PRSS3: variants seen among roughly 807,000 people sequenced by gnomAD.
The protein encoded by PRSS3 is trypsin-3.
In PRSS3, 14 loss-of-function variants were observed where a neutral mutation model predicts 20.8. That is an observed-to-expected ratio of 0.67 (90% CI 0.44 to 1.05). PRSS3 has a LOEUF of 1.05. PRSS3 is among the 50% of genes least tolerant of loss of function. PRSS3 has a pLI of 0.00. For synonymous variants in PRSS3, 91 were observed against 117.6 expected (o/e 0.77, Z 1.46); for missense variants, 237 against 306.4 (o/e 0.77, Z 1.69).
At chr9:33,757,160 TGGA>T (rs1489755391) in intron 1 of PRSS3, among the ~76,000 whole-genome samples, 2 of 152,206 alleles carry the variant, frequency 1.3e-5, no homozygotes, top group Non-Finnish European at 2.9e-5. Context: ...GGTGGATAGG[TGGA>T]GGTCTAGGAT....
intron 1 of PRSS3, among the ~76,000 whole-genome samples, chr9:33,781,071 A>G (rs1824164262): frequency 6.6e-6 from 1 of 152,244 alleles, no homozygotes; most frequent in South Asian, 2.1e-4. Context: ...CCCAAAAGGA[A>G]TGCTTATACA....
chr9:33,758,754 A>C (rs1451622687), intron 1 of PRSS3, among the ~76,000 whole-genome samples: 9 of 152,304 alleles, frequency 5.9e-5, no homozygotes, highest in African/African-American at 2.2e-4. Flanking sequence ...GAAAATAGTG[A>C]TGGTACCAAC....
intron 2 of PRSS3, 101 bp from the exon 3 acceptor site, chr9:33,797,728 C>G: frequency 7.0e-7 from 1 of 1,437,180 alleles, no homozygotes; most frequent in Non-Finnish European, 9.3e-7. Context: ...CCCATGCCTC[C>G]AGAGCTATCC....
At chr9:33,762,005 C>T (rs1823231511) in intron 1 of PRSS3, 1 of 152,136 alleles carries the variant, frequency 6.6e-6, no homozygotes, top group African/African-American at 2.4e-5. Context: ...TTATAAACTC[C>T]TTGCAGATAA....
chr9:33,755,619 T>C (rs1356887116), intron 1 of PRSS3, among the ~76,000 whole-genome samples: 1 of 152,202 alleles, frequency 6.6e-6, no homozygotes, highest in Non-Finnish European at 1.5e-5. Flanking sequence ...TATTCCCAAC[T>C]AAGGCACATG....
intron 1 of PRSS3, among the ~76,000 whole-genome samples, chr9:33,770,429 A>ATGCTGGTCTGGGATG (rs1823634530): frequency 1.3e-5 from 2 of 152,050 alleles, no homozygotes; most frequent in Non-Finnish European, 2.9e-5. Context: ...CTGGGTTAAG[A>ATGCTGGTCTGGGATG]CTTCTGGCAC....
Position 33,785,160 on chromosome 9 carries a change from A to AT in PRSS3, c.-52-9551dup, listed in dbSNP as rs74180504. Among the ~76,000 whole-genome samples the AT allele has an allele frequency of 3.2e-3, 235 of 72,488 alleles. 36 individuals carry two copies. Among genetic ancestry groups the AT allele is most frequent in the African/African-American group, 0.016 (213 of 13,316 alleles). 47.6% of individuals were successfully genotyped at this position (72,488 alleles called of 152,430 possible). On this transcript the variant is annotated intron_variant, in intron 1 of 5. Coordinates refer to the PRSS3 transcript ENST00000342836. Reference sequence around the variant, plus strand: ...GAAAAAGATCATAGCATTGTGGTCAATTTTTTTTTTTTTTTTTTTTTTTTT... The same window carrying AT: ...GAAAAAGATCATAGCATTGTGGTCAATTTTTTTTTTTTTTTTTTTTTTTTTT...
chr9:33,760,469 G>A (rs928664857), intron 1 of PRSS3, among the ~76,000 whole-genome samples: 14 of 152,064 alleles, frequency 9.2e-5, no homozygotes, highest in Admixed American at 5.9e-4. Context: ...TAAAGAGGCC[G>A]GGTGCGGTGG....
intron 1 of PRSS3, among the ~76,000 whole-genome samples, chr9:33,779,893 A>C (rs1374853750): frequency 1.3e-5 from 2 of 150,642 alleles, no homozygotes; most frequent in African/African-American, 4.9e-5. Flanking sequence ...AAAAAAAAAA[A>C]AAACCTCTAA....
At chr9:33,758,343 T>C (rs1197163989) in intron 1 of PRSS3, among the ~76,000 whole-genome samples, 1 of 152,190 alleles carries the variant, frequency 6.6e-6, no homozygotes, top group Non-Finnish European at 1.5e-5. Flanking sequence ...CTGAGATAGC[T>C]CCTGCTCTGG....
chr9:33,793,166 T>G (rs1824715616), upstream of PRSS3, among the ~76,000 whole-genome samples: 1 of 152,244 alleles, frequency 6.6e-6, no homozygotes, highest in East Asian at 1.9e-4. Context: ...AAAATCCTCA[T>G]ATTCTTGGGT....
intron 1 of PRSS3, among the ~76,000 whole-genome samples, chr9:33,763,555 C>T (rs1450591709): frequency 6.6e-6 from 1 of 151,908 alleles, no homozygotes; most frequent in East Asian, 1.9e-4. Context: ...AAAAATTAGC[C>T]GGGCGTGGTG....
Position 33,796,634 on chromosome 9 carries a change from C to G in PRSS3, c.41-9C>G. 1 of 1,613,938 alleles carries G rather than the reference C, an allele frequency of 6.2e-7. No individual in the cohort carries two copies. Among genetic ancestry groups the G allele is most frequent in the Non-Finnish European group, 8.5e-7 (1 of 1,179,806 alleles). Reference sequence around the variant, plus strand: ...TGACTTGCCTTCTCCCTTCCTATTTCCACTCCAGTTGCTGTCCCCTTTGAC... The same window carrying G: ...TGACTTGCCTTCTCCCTTCCTATTTGCACTCCAGTTGCTGTCCCCTTTGAC... On this transcript the variant is annotated splice_polypyrimidine_tract_variant and intron_variant, in intron 1 of 4. Coordinates refer to ENST00000379405, the MANE Select transcript of PRSS3 (RefSeq NM_002771.4).
intron 1 of PRSS3, among the ~76,000 whole-genome samples, chr9:33,771,729 CT>C (rs1823713937): frequency 6.7e-6 from 1 of 150,356 alleles, no homozygotes; most frequent in Non-Finnish European, 1.5e-5. Flanking sequence ...CAGCCTCAAC[CT>C]CCTGAGTAGC....
At chr9:33,776,252 G>A (rs1246363928) in intron 1 of PRSS3, among the ~76,000 whole-genome samples, 1 of 151,936 alleles carries the variant, frequency 6.6e-6, no homozygotes, top group Non-Finnish European at 1.5e-5. Context: ...AAAACAGAGA[G>A]AAAAAAATGA....
chr9:33,757,474 C>CT (rs35876237), intron 1 of PRSS3, among the ~76,000 whole-genome samples: 91 of 145,416 alleles, frequency 6.3e-4, no homozygotes, highest in Non-Finnish European at 6.3e-4. Flanking sequence ...GCAGATTCAT[C>CT]TTTTTTTTTT....
chr9:33,794,616 T>C (rs1337551159), upstream of PRSS3: 18 of 1,127,430 alleles, frequency 1.6e-5, no homozygotes, highest in South Asian at 3.1e-4. Context: ...TACCTACTGC[T>C]GATTCTCAGA....
chr9:33,791,075 G>A (rs763766648), upstream of PRSS3, among the ~76,000 whole-genome samples: 5 of 152,168 alleles, frequency 3.3e-5, no homozygotes, highest in Non-Finnish European at 5.9e-5. Flanking sequence ...CAAAATTACA[G>A]CTAGATAGGA....
At chr9:33,754,945 T>G (rs1159846340) in intron 1 of PRSS3, among the ~76,000 whole-genome samples, 1 of 152,228 alleles carries the variant, frequency 6.6e-6, no homozygotes, top group Non-Finnish European at 1.5e-5. Flanking sequence ...GAGTCGTAGA[T>G]CCTATCTCTA....
Sources: allele counts gnomAD v4.1 joint callset (sites outside exome capture counted in the v4.1 genomes callset), GRCh38; gene constraint gnomAD v4.1.1; transcripts MANE v1.5; gene names NCBI Gene and HGNC (gene_info 2026-07-23, HGNC 2026-07-21).